Variants in SV2C observed in about 807,000 individuals in gnomAD.
SV2C encodes the protein synaptic vesicle glycoprotein 2C, also known as solute carrier family 22 member B3.
Under a neutral mutation model 79.7 loss-of-function variants are expected in SV2C, and 49 were observed. The observed-to-expected ratio is 0.61, with a 90% confidence interval of 0.49 to 0.78. The LOEUF is 0.78. Among genes scored for constraint, SV2C ranks in the 30% least tolerant of loss-of-function variants. SV2C has a pLI of 0.00. For missense variants in SV2C, 833 were observed against 912.9 expected (o/e 0.91, Z 1.13); for synonymous variants, 334 against 333.2 (o/e 1.00, Z -0.03).
At chr5:76,159,206 C>T (rs2112245036) in intron 2 of SV2C, among the ~76,000 whole-genome samples, 1 of 152,136 alleles carries the variant, frequency 6.6e-6, no homozygotes, top group East Asian at 1.9e-4. Flanking sequence ...TACTTTTTCT[C>T]TAAGATCAGG....
chr5:75,936,281 TCTG>T, the SV2C span, among the ~76,000 whole-genome samples: 1 of 152,202 alleles, frequency 6.6e-6, no homozygotes, highest in Non-Finnish European at 1.5e-5. Context: ...ACTGTCCTCC[TCTG>T]CTTTTTGTTT....
chr5:75,926,506 C>T, the SV2C span, among the ~76,000 whole-genome samples: 2 of 152,064 alleles, frequency 1.3e-5, no homozygotes, highest in Admixed American at 6.6e-5. Flanking sequence ...GTTTTTCCTG[C>T]TCGGTGCCTG....
chr5:76,176,125 A>G (rs1039458488), intron 2 of SV2C, among the ~76,000 whole-genome samples: 4 of 152,136 alleles, frequency 2.6e-5, no homozygotes, highest in Admixed American at 6.5e-5. Flanking sequence ...CCCCACCCCA[A>G]CACACACACA....
Position 76,326,567 on chromosome 5 carries a change from G to C in SV2C, c.*1020G>C, listed in dbSNP as rs1205361797. ...TCCAGTACCTCTTTGCTGTGGGACT[G>C]GCCCGCCAGGACCCCCACCCCACCT... On this transcript the variant is annotated 3_prime_UTR_variant, in exon 13 of 13. Coordinates refer to ENST00000502798, the MANE Select transcript of SV2C (RefSeq NM_014979.4). 2.0e-5 allele frequency: 3 copies of C among 152,198 alleles called. No individual in the cohort carries two copies. The highest frequency in any genetic ancestry group is 7.2e-5 in the African/African-American group (3 of 41,446). The allele number at this position is 152,198 out of a possible 1,614,324, so 9.4% of individuals were successfully genotyped here. A position where few individuals can be genotyped will look rare whatever the true frequency, so the allele number is the denominator to read the frequency against.
chr5:76,004,248 C>A, the SV2C span, among the ~76,000 whole-genome samples: 1 of 152,158 alleles, frequency 6.6e-6, no homozygotes, highest in Admixed American at 6.5e-5. Context: ...CGTTTCTTAA[C>A]AACATACACT....
the SV2C span, among the ~76,000 whole-genome samples, chr5:75,881,740 C>T: frequency 1.3e-5 from 2 of 151,834 alleles, no homozygotes; most frequent in African/African-American, 4.9e-5. Context: ...ATGTCATCTG[C>T]AAACACGGAC....
chr5:75,921,681 C>T, the SV2C span: 2 of 601,162 alleles, frequency 3.3e-6, no homozygotes, highest in Middle Eastern at 4.5e-4. Flanking sequence ...TGTTGGTAAA[C>T]AGCAATGGAT....
the SV2C span, among the ~76,000 whole-genome samples, chr5:76,064,011 T>C: frequency 3.3e-5 from 5 of 152,106 alleles, no homozygotes; most frequent in African/African-American, 9.7e-5. Context: ...AAGAATAAAA[T>C]ACATAATGAT....
the SV2C span, among the ~76,000 whole-genome samples, chr5:76,038,604 C>T: frequency 6.6e-6 from 1 of 152,152 alleles, no homozygotes; most frequent in East Asian, 1.9e-4. Flanking sequence ...AATGTGGAAA[C>T]TTTATCACAT....
chr5:75,917,730 A>G, the SV2C span, among the ~76,000 whole-genome samples: 5 of 152,192 alleles, frequency 3.3e-5, no homozygotes, highest in African/African-American at 1.2e-4. Flanking sequence ...AAAAATAGAA[A>G]GAATGGATAA....
At chr5:75,886,998 C>A in the SV2C span, among the ~76,000 whole-genome samples, 1 of 152,114 alleles carries the variant, frequency 6.6e-6, no homozygotes. Flanking sequence ...ATTGCAGTTC[C>A]TTCTTAGTGG....
intron 4 of SV2C, among the ~76,000 whole-genome samples, chr5:76,230,101 C>T (rs73766719): frequency 0.12 from 17,873 of 152,082 alleles, 3,046 homozygotes; most frequent in African/African-American, 0.38. Context: ...CAATTAGAAA[C>T]AATCATGGTA....
At chr5:76,315,415 C>T (rs534440574) in intron 12 of SV2C, among the ~76,000 whole-genome samples, 4 of 152,032 alleles carry the variant, frequency 2.6e-5, no homozygotes, top group Non-Finnish European at 4.4e-5. Context: ...CGACTTCCAA[C>T]ATATTTGGAA....
At chr5:76,220,028 A>G (rs949411620) in intron 4 of SV2C, among the ~76,000 whole-genome samples, 1 of 152,162 alleles carries the variant, frequency 6.6e-6, no homozygotes, top group African/African-American at 2.4e-5. Flanking sequence ...GAAGAACTGC[A>G]TGTTCCTATG....
the SV2C span, among the ~76,000 whole-genome samples, chr5:76,072,500 G>C: frequency 6.6e-6 from 1 of 152,194 alleles, no homozygotes. Flanking sequence ...TGGGCAGGAT[G>C]CTTTTCCCTA....
At chr5:76,190,158 C>T (rs1019256570) in intron 2 of SV2C, among the ~76,000 whole-genome samples, 2 of 152,098 alleles carry the variant, frequency 1.3e-5, no homozygotes, top group Non-Finnish European at 2.9e-5. Context: ...GAAAACTGGC[C>T]AACTGATGTT....
the SV2C span, among the ~76,000 whole-genome samples, chr5:75,887,778 A>C: frequency 6.6e-6 from 1 of 152,242 alleles, no homozygotes; most frequent in South Asian, 2.1e-4. Context: ...AACCCCCCAA[A>C]AACCAAGCAA....
the SV2C span, among the ~76,000 whole-genome samples, chr5:75,902,094 A>G: frequency 6.6e-6 from 1 of 152,098 alleles, no homozygotes; most frequent in African/African-American, 2.4e-5. Context: ...TGCTGCACCC[A>G]CTGACCTGTG....
the SV2C span, among the ~76,000 whole-genome samples, chr5:75,985,412 T>G: frequency 6.6e-6 from 1 of 152,002 alleles, no homozygotes. Context: ...CCATAGCAAT[T>G]GATCAACTGG....
Sources: allele counts gnomAD v4.1 joint callset (sites outside exome capture counted in the v4.1 genomes callset), GRCh38; gene constraint gnomAD v4.1.1; transcripts MANE v1.5; gene names NCBI Gene and HGNC (gene_info 2026-07-23, HGNC 2026-07-21).